OPA3: variants seen among roughly 807,000 people sequenced by gnomAD.
OPA3 encodes the protein optic atrophy 3 protein.
A neutral mutation model predicts 4.0 loss-of-function variants in OPA3; 6 were observed. That is an observed-to-expected ratio of 1.51 (90% CI 0.83 to 2.99). The LOEUF (loss-of-function observed/expected upper bound fraction) is 2.99, where lower values mean the gene tolerates loss of function less well. OPA3 is among the 30% of genes most tolerant of loss of function. The probability of loss-of-function intolerance (pLI) is 0.00; values close to 1 mark genes in which losing one functional copy is unlikely to be tolerated. For synonymous variants in OPA3, 105 were observed against 117.1 expected, an observed-to-expected ratio of 0.90 and a Z score of 0.67; for missense variants, 235 against 256.2, an observed-to-expected ratio of 0.92 and a Z score of 0.56.
At chr19:45,529,238 C>A (rs746582143) in exon 2 of OPA3, 1 of 1,613,252 alleles carries the variant, frequency 6.2e-7, no homozygotes, top group African/African-American at 1.3e-5. Context: ...CCCCGCAGCG[C>A]CTCCCTGGCA....
In OPA3 at chr19:45,551,085, C is replaced by G; in HGVS notation, c.*2429G>C. 1 of 340,102 alleles carries G rather than the reference C, an allele frequency of 2.9e-6. No homozygotes were observed. Among genetic ancestry groups the G allele is most frequent in the Non-Finnish European group, 4.2e-6 (1 of 239,966 alleles). 21.1% of individuals were successfully genotyped at this position (340,102 alleles called of 1,614,324 possible). A position where few individuals can be genotyped will look rare whatever the true frequency, so the allele number is the denominator to read the frequency against. ...AGGTGATCCTCCTGCCTCAGCCTCC[C>G]AAGTAGCTGGGACTACAGGCATGCA... On this transcript the variant is annotated 3_prime_UTR_variant, in exon 2 of 2. Transcript: ENST00000263275.
chr19:45,575,200 T>C (rs1969748580), intron 1 of OPA3, among the ~76,000 whole-genome samples: 1 of 151,760 alleles, frequency 6.6e-6, no homozygotes, highest in African/African-American at 2.4e-5. Flanking sequence ...TCTCTCAGGT[T>C]CAAGCGATTC....
At chr19:45,561,931 C>T (rs930568531) in intron 1 of OPA3, among the ~76,000 whole-genome samples, 18 of 149,338 alleles carry the variant, frequency 1.2e-4, no homozygotes, top group African/African-American at 4.0e-4. Context: ...GGCAACAGAG[C>T]GACACTCCGT....
At position 45,548,608 on chromosome 19, in the gene OPA3, T is replaced by C; in HGVS notation, c.*4906A>G. The C allele has an allele frequency of 3.0e-6, 3 of 985,102 alleles. No individual in the cohort carries two copies. The highest frequency in any genetic ancestry group is 2.4e-6 in the Non-Finnish European group (2 of 829,864). 61.0% of individuals were successfully genotyped at this position (985,102 alleles called of 1,614,324 possible). ...CTCTGTCACCACTGTGACCCCAGCATAGGGTGGGGCAGAGAGTGGGTAACT... is the reference window on the plus strand; with the variant it reads ...CTCTGTCACCACTGTGACCCCAGCACAGGGTGGGGCAGAGAGTGGGTAACT... On this transcript the variant is annotated 3_prime_UTR_variant, in exon 2 of 2. Coordinates refer to ENST00000263275, the MANE Select transcript of OPA3 (RefSeq NM_025136.4).
rs142094134 is a variant in OPA3 at position 45,562,643 on chromosome 19, C to T, written c.143-8732G>A. On this transcript the variant is annotated intron_variant, in intron 1 of 1. Coordinates refer to ENST00000263275, the MANE Select transcript of OPA3 (RefSeq NM_025136.4). ...GGCAGAGGTTGCAGTGAGCTGAGAT[C>T]GCGCCACTGCCCAGCCTGGGAGACA... Among the ~76,000 whole-genome samples, 459 of 152,272 alleles carry T rather than the reference C, an allele frequency of 3.0e-3. 2 individuals carry two copies. The highest frequency in any genetic ancestry group is 5.4e-3 in the Non-Finnish European group (364 of 68,022).
intron 1 of OPA3, among the ~76,000 whole-genome samples, chr19:45,580,231 T>A (rs1403945100): frequency 6.6e-6 from 1 of 151,280 alleles, no homozygotes; most frequent in African/African-American, 2.4e-5. Flanking sequence ...TTTGACTTCG[T>A]GATCTGCCCA....
intron 1 of OPA3, among the ~76,000 whole-genome samples, chr19:45,559,529 G>A (rs1443171789): frequency 1.3e-5 from 2 of 150,390 alleles, no homozygotes; most frequent in Non-Finnish European, 3.0e-5. Flanking sequence ...AGCCTCCCAT[G>A]TAGCTGGGAC....
Position 45,548,563 on chromosome 19 carries a change from G to A in OPA3, c.*4951C>T. 5.1e-6 allele frequency: 5 copies of A among 985,480 alleles called. No homozygotes were observed. The highest frequency in any genetic ancestry group is 4.7e-5 in the South Asian group (1 of 21,290). The allele number at this position is 985,480 out of a possible 1,614,324, so 61.0% of individuals were successfully genotyped here. A position where few individuals can be genotyped will look rare whatever the true frequency, so the allele number is the denominator to read the frequency against. The stretch of plus-strand genomic sequence containing the variant: ...CGTGTGAGCATCTGTAAGACCCGGT[G>A]ACGGCAGGGCTGGGGCTGTCTCTGT... On this transcript the variant is annotated 3_prime_UTR_variant, in exon 2 of 2. Transcript: ENST00000263275.
intron 1 of OPA3, among the ~76,000 whole-genome samples, chr19:45,572,570 A>G (rs1454676520): frequency 7.3e-6 from 1 of 136,896 alleles, no homozygotes; most frequent in African/African-American, 2.8e-5. Flanking sequence ...GATATATATC[A>G]TGATATATGT....
chr19:45,537,396 C>CAAAAAAAAAAAAAAA (rs1181396046), intron 1 of OPA3, among the ~76,000 whole-genome samples: 8 of 28,912 alleles, frequency 2.8e-4, no homozygotes, highest in East Asian at 1.6e-3. Context: ...GACTCTGTCT[C>CAAAAAAAAAAAAAAA]AAAAAAAAAA....
At chr19:45,529,328 T>C (rs1969032376) in exon 2 of OPA3, 1 of 1,614,056 alleles carries the variant, frequency 6.2e-7, no homozygotes, top group African/African-American at 1.3e-5. Context: ...CAGGCGGTGA[T>C]GAAGATGATG....
chr19:45,581,464 C>G (rs758139580), intron 1 of OPA3, among the ~76,000 whole-genome samples: 1 of 152,192 alleles, frequency 6.6e-6, no homozygotes, highest in Non-Finnish European at 1.5e-5. Context: ...GAACCCCATG[C>G]CATGTCAGGT....
At chr19:45,575,898 A>C (rs543595880) in intron 1 of OPA3, among the ~76,000 whole-genome samples, 2 of 152,244 alleles carry the variant, frequency 1.3e-5, no homozygotes, top group Non-Finnish European at 2.9e-5. Flanking sequence ...GAACCACCGC[A>C]CCTGCCCTAA....
chr19:45,574,476 G>A (rs1969738915), intron 1 of OPA3, among the ~76,000 whole-genome samples: 1 of 151,328 alleles, frequency 6.6e-6, no homozygotes, highest in Non-Finnish European at 1.5e-5. Flanking sequence ...AGATGGGCAT[G>A]TCCCGGGCCA....
In OPA3 at chr19:45,553,168, G is replaced by A. The variant is rs1355154945; in HGVS notation, c.*346C>T. Reference sequence around the variant, plus strand: ...AAGGTTAACACTGATCAGGTAAACCGGGGGTGGGGGTAACAATAACACATT... The same window carrying A: ...AAGGTTAACACTGATCAGGTAAACCAGGGGTGGGGGTAACAATAACACATT... On this transcript the variant is annotated 3_prime_UTR_variant, in exon 2 of 2. Transcript: ENST00000263275. The A allele has an allele frequency of 4.8e-5, 61 of 1,269,576 alleles. No homozygotes were observed. The highest frequency in any genetic ancestry group is 5.2e-5 in the Non-Finnish European group (52 of 997,708). The allele number at this position is 1,269,576 out of a possible 1,614,324, so 78.6% of individuals were successfully genotyped here.
At chr19:45,557,427 G>T (rs80025239) in intron 1 of OPA3, among the ~76,000 whole-genome samples, 1 of 152,180 alleles carries the variant, frequency 6.6e-6, no homozygotes, top group South Asian at 2.1e-4. Context: ...GCTGTGAGGG[G>T]CCGGGACAGG....
intron 1 of OPA3, among the ~76,000 whole-genome samples, chr19:45,533,220 G>A (rs1018902047): frequency 6.0e-5 from 9 of 149,478 alleles, no homozygotes; most frequent in African/African-American, 2.2e-4. Flanking sequence ...TTTTAAGGCG[G>A]AGTCTCACTC....
chr19:45,578,904 T>C (rs193067392), intron 1 of OPA3, among the ~76,000 whole-genome samples: 2 of 152,272 alleles, frequency 1.3e-5, no homozygotes, highest in Admixed American at 1.3e-4. Flanking sequence ...GTAAGTCCTG[T>C]TCCACTCAGA....
In OPA3 at chr19:45,549,050, C is replaced by A. The variant is rs886054522; in HGVS notation, c.*4464G>T. The A allele has an allele frequency of 2.3e-6, 2 of 885,722 alleles. No homozygotes were observed. Among genetic ancestry groups the A allele is most frequent in the East Asian group, 2.4e-4 (2 of 8,368 alleles). The allele number at this position is 885,722 out of a possible 1,614,324, so 54.9% of individuals were successfully genotyped here. A position where few individuals can be genotyped will look rare whatever the true frequency, so the allele number is the denominator to read the frequency against. The stretch of plus-strand genomic sequence containing the variant: ...GAACTCCTGACCTCAGGTGATCCAC[C>A]CACCCTGGCCTCCCAAAGTGCTAGG... On this transcript the variant is annotated 3_prime_UTR_variant, in exon 2 of 2. Transcript: ENST00000263275.
Sources: allele counts gnomAD v4.1 joint callset (sites outside exome capture counted in the v4.1 genomes callset), GRCh38; gene constraint gnomAD v4.1.1; transcripts MANE v1.5; gene names NCBI Gene and HGNC (gene_info 2026-07-23, HGNC 2026-07-21).